The following PPP4C variants were observed in gnomAD, a reference collection of about 807,000 sequenced individuals.
PPP4C encodes the protein protein phosphatase 4 catalytic subunit.
A neutral mutation model predicts 40.5 loss-of-function variants in PPP4C; 10 were observed. The observed-to-expected ratio is 0.25, with a 90% confidence interval of 0.15 to 0.42. The LOEUF (loss-of-function observed/expected upper bound fraction) is 0.42. PPP4C is among the 10% of genes least tolerant of loss of function. The pLI, the probability that PPP4C is intolerant of heterozygous loss-of-function variation, is 1.00. For synonymous variants in PPP4C, 187 were observed against 163.6 expected (o/e 1.14, Z -1.09); for missense variants, 191 against 416.4 (o/e 0.46, Z 4.71).
chr16:30,083,330 G>A lies in PPP4C; in HGVS notation c.304-64G>A, dbSNP rs543949434. 17 of 1,547,884 alleles carry A rather than the reference G, an allele frequency of 1.1e-5. No homozygotes were observed. In the African/African-American group the frequency reaches 2.3e-4, roughly 21 times the overall value. The stretch of plus-strand genomic sequence containing the variant: ...GATGGCAGGCTGGCGGGCACGAGGA[G>A]GTCAGAGAGGGATGTGTGGAGAGAC... On this transcript the variant is annotated intron_variant, in intron 5 of 8. Coordinates refer to ENST00000279387, the MANE Select transcript of PPP4C (RefSeq NM_002720.3). This position sits in a 1 kb window ranked among gnomAD's most constrained non-coding sequence, Gnocchi z 6.3.
chr16:30,076,889 A>G (rs1029634619), intron 2 of PPP4C, among the ~76,000 whole-genome samples: 1 of 152,208 alleles, frequency 6.6e-6, no homozygotes, highest in Non-Finnish European at 1.5e-5. Flanking sequence ...TCTAATTACA[A>G]CAACCCTTAA....
chr16:30,076,407 G>T lies in PPP4C; in HGVS notation c.30G>T (p.Gln10His), dbSNP rs1478216676. The part of the protein sequence containing the change: MAEISDLDR[Q>H]IEQLRRCELI... ...CGGAGATCAGCGACCTGGACCGGCA[G>T]ATCGAGCAGCTGCGTCGCTGCGAGC... Residue 10 changes from glutamine to histidine, a missense_variant, in exon 2 of 9, where the codon CAG becomes CAT. Transcript: ENST00000279387. 1.9e-6 allele frequency: 3 copies of T among 1,613,326 alleles called. No homozygotes were observed. Among genetic ancestry groups the T allele is most frequent in the East Asian group, 2.2e-5 (1 of 44,874 alleles).
At chr16:30,078,311 C>T (rs1396583219) in intron 2 of PPP4C, among the ~76,000 whole-genome samples, 2 of 152,148 alleles carry the variant, frequency 1.3e-5, no homozygotes, top group African/African-American at 2.4e-5. Context: ...AATGTCTTGC[C>T]CAACATCACG....
At position 30,081,293 on chromosome 16, in the gene PPP4C, G is replaced by C. The variant is rs2072501434; in HGVS notation, c.133G>C (p.Val45Leu). Reference sequence around the variant, plus strand: ...GGTAGAGGAGAGCAACGTGCAGAGGGTGGACTCGCCAGTCACAGTGAGTAC... The same window carrying C: ...GGTAGAGGAGAGCAACGTGCAGAGGCTGGACTCGCCAGTCACAGTGAGTAC... ...ILVEESNVQR[V>L]DSPVTVCGDI... The change falls in exon 3 of 9, where the codon GTG becomes CTG. Residue 45 changes from valine to leucine, a missense_variant. This residue lies in a region of PPP4C where 171 missense variants were observed against 352.4 expected (regional missense o/e 0.49). Coordinates refer to ENST00000279387, the MANE Select transcript of PPP4C (RefSeq NM_002720.3). 6.2e-7 allele frequency: 1 copy of C among 1,613,752 alleles called. No homozygotes were observed. Among genetic ancestry groups the C allele is most frequent in the Non-Finnish European group, 8.5e-7 (1 of 1,179,872 alleles).
rs762418790 is a variant in PPP4C at position 30,084,683 on chromosome 16, G to A, written c.622G>A (p.Val208Met). 6 of 1,614,172 alleles carry A rather than the reference G, an allele frequency of 3.7e-6. No individual in the cohort carries two copies. The highest frequency in any genetic ancestry group is 2.2e-5 in the East Asian group (1 of 44,880). Reference protein sequence around the residue: ...SDPEDTTGWGVSPRGAGYLFG... With the variant: ...SDPEDTTGWGMSPRGAGYLFG... Reference sequence around the variant, plus strand: ...CGCATCAGACACCACAGGCTGGGGCGTGAGCCCCCGAGGAGCCGGCTACCT... The same window carrying A: ...CGCATCAGACACCACAGGCTGGGGCATGAGCCCCCGAGGAGCCGGCTACCT... The change falls in exon 8 of 9, where the codon GTG becomes ATG. Residue 208 changes from valine (V) to methionine (M), a missense_variant. Physicochemically the swap from Val to Met is conservative, Grantham distance 21. This residue lies in a region of PPP4C where 171 missense variants were observed against 352.4 expected (regional missense o/e 0.49). Coordinates refer to ENST00000279387, the MANE Select transcript of PPP4C (RefSeq NM_002720.3).
intron 2 of PPP4C, among the ~76,000 whole-genome samples, chr16:30,079,388 C>A (rs985253827): frequency 3.3e-5 from 5 of 152,048 alleles, no homozygotes; most frequent in African/African-American, 1.2e-4. Flanking sequence ...CGGGGTTTCA[C>A]CATGTTGGCC....
intron 3 of PPP4C, among the ~76,000 whole-genome samples, chr16:30,081,952 G>C (rs1596836186): frequency 6.6e-6 from 1 of 152,014 alleles, no homozygotes; most frequent in Non-Finnish European, 1.5e-5. Context: ...CTACTCGGGA[G>C]GCTGAGGCAG....
chr16:30,084,525 A>T, intron 7 of PPP4C, 141 bp from the exon 8 acceptor site: 1 of 745,056 alleles, frequency 1.3e-6, no homozygotes, highest in Non-Finnish European at 2.3e-6. Flanking sequence ...CATCCCACAG[A>T]CCATATTCAG....
In PPP4C at chr16:30,079,462, A is replaced by G. The variant is rs186015805; in HGVS notation, c.99-1797A>G. ...CTTGGCTTCCCAAAGTGCTGGGATTACAGGCATGAGCCACCGCGCCCGGCC... is the reference window on the plus strand; with the variant it reads ...CTTGGCTTCCCAAAGTGCTGGGATTGCAGGCATGAGCCACCGCGCCCGGCC... On this transcript the variant is annotated intron_variant, in intron 2 of 8. Transcript: ENST00000279387. Among the ~76,000 whole-genome samples the G allele has an allele frequency of 5.9e-5, 9 of 152,260 alleles. No individual in the cohort carries two copies. In the East Asian group the frequency reaches 1.5e-3, roughly 26 times the overall value.
intron 7 of PPP4C, 110 bp from the exon 8 acceptor site, chr16:30,084,556 G>C: frequency 1.0e-6 from 1 of 963,678 alleles, no homozygotes; most frequent in Non-Finnish European, 1.6e-6. Context: ...CTGGTCCCAC[G>C]GGCCTCTGGT....
In PPP4C at chr16:30,082,850, G is replaced by A. The variant is rs746917001; in HGVS notation, c.303+3G>A. ...TCCTCCTGCTGCTGGCACTTAAGGT[G>A]GCAGTCCCCGGCTTCTGCACCCCCA... On this transcript the variant is annotated splice_donor_region_variant and intron_variant, in intron 5 of 8. Coordinates refer to ENST00000279387, the MANE Select transcript of PPP4C (RefSeq NM_002720.3). 1 of 1,613,382 alleles carries A rather than the reference G, an allele frequency of 6.2e-7. No homozygotes were observed. The highest frequency in any genetic ancestry group is 8.5e-7 in the Non-Finnish European group (1 of 1,179,452).
intron 2 of PPP4C, among the ~76,000 whole-genome samples, chr16:30,080,917 T>G (rs1362167328): frequency 3.9e-5 from 6 of 152,122 alleles, no homozygotes; most frequent in African/African-American, 1.4e-4. Flanking sequence ...TGACTTAAGC[T>G]CTGCTGTGGA....
rs2072596268 is a variant in PPP4C at position 30,085,114 on chromosome 16, ACT to A, written c.*55_*56del. ...CCCTTCTGGCCCTCGCACCACTGTG[ACT>A]CTGCCATCTTCCTCAGACGGAGGCT... On this transcript the variant is annotated 3_prime_UTR_variant, in exon 9 of 9. Coordinates refer to ENST00000279387, the MANE Select transcript of PPP4C (RefSeq NM_002720.3). 8 of 1,591,804 alleles carry A rather than the reference ACT, an allele frequency of 5.0e-6. No homozygotes were observed. The African/African-American group carries it at 6.7e-5, about 13-fold the overall frequency.
Position 30,076,431 on chromosome 16 carries a change from G to A in PPP4C, c.54G>A (p.Glu18=). 6.2e-7 allele frequency: 1 copy of A among 1,613,428 alleles called. No homozygotes were observed. Among genetic ancestry groups the A allele is most frequent in the Non-Finnish European group, 8.5e-7 (1 of 1,179,838 alleles). Residue 18 remains glutamate (E), a synonymous_variant, in exon 2 of 9, where the codon GAG becomes GAA. Transcript: ENST00000279387. The part of the protein sequence containing the change: ...DRQIEQLRRC[E]LIKESEVKAL... ...AGATCGAGCAGCTGCGTCGCTGCGA[G>A]CTCATCAAGGAGAGCGAAGTCAAGG...
At chr16:30,079,190 CTT>C (rs60305885) in intron 2 of PPP4C, among the ~76,000 whole-genome samples, 42 of 140,518 alleles carry the variant, frequency 3.0e-4, no homozygotes, top group Admixed American at 5.7e-4. Flanking sequence ...TTCTTTTTTT[CTT>C]TTTTTTTTTT....
chr16:30,083,876 C>T lies in PPP4C; in HGVS notation c.604+95C>T. ...GTCTTCACTGTCACTCGTCCTCCAC[C>T]TGCCAAATGGCTGGAACCCTGGAGG... On this transcript the variant is annotated intron_variant, in intron 7 of 8. Coordinates refer to ENST00000279387, the MANE Select transcript of PPP4C (RefSeq NM_002720.3). The surrounding 1 kb of genome is among the most constrained non-coding windows in gnomAD (Gnocchi z 6.3). 1 of 1,546,470 alleles carries T rather than the reference C, an allele frequency of 6.5e-7. No homozygotes were observed. Among genetic ancestry groups the T allele is most frequent in the South Asian group, 1.2e-5 (1 of 86,902 alleles).
rs536280015 is a variant in PPP4C at position 30,076,006 on chromosome 16, A to AGCGGCGGCGGCGGCGGCGGCG, written c.-147_-127dup. 1 of 345,706 alleles carries AGCGGCGGCGGCGGCGGCGGCG rather than the reference A, an allele frequency of 2.9e-6. No homozygotes were observed. The highest frequency in any genetic ancestry group is 2.3e-5 in the African/African-American group (1 of 44,234). The allele number at this position is 345,706 out of a possible 1,614,324, so 21.4% of individuals were successfully genotyped here. On this transcript the variant is annotated 5_prime_UTR_variant, in exon 1 of 9. Transcript: ENST00000279387. ...CTTCCGCGGCGGGGCCGGAAGTAGGAGCGGCGGCGGCGGCGGCGGCGGCGG... is the reference window on the plus strand; with the variant it reads ...CTTCCGCGGCGGGGCCGGAAGTAGGAGCGGCGGCGGCGGCGGCGGCGGCGGCGGCGGCGGCGGCGGCGGCGG...
At chr16:30,084,296 CAT>C (rs2072571076) in intron 7 of PPP4C, among the ~76,000 whole-genome samples, 1 of 152,180 alleles carries the variant, frequency 6.6e-6, no homozygotes, top group Non-Finnish European at 1.5e-5. Flanking sequence ...CAGACACACA[CAT>C]GCAGACACAC....
intron 2 of PPP4C, among the ~76,000 whole-genome samples, chr16:30,078,702 T>C (rs1156372848): frequency 1.3e-5 from 2 of 152,216 alleles, no homozygotes; most frequent in African/African-American, 4.8e-5. Context: ...TGAGCTGAAA[T>C]TGCTGCTACT....
Sources: gnomAD v4.1 joint callset for allele counts (sites outside exome capture counted in the v4.1 genomes callset) on GRCh38, gnomAD v4.1.1 for gene constraint, gnomAD v4.1.1 regional missense constraint, Gnocchi (gnomAD v3.1) non-coding constraint, MANE v1.5 for transcripts, NCBI Gene and HGNC (gene_info 2026-07-23, HGNC 2026-07-21) for gene names.